Variants in EXOC6B observed in about 807,000 individuals in gnomAD.
The protein encoded by EXOC6B is exocyst complex component 6B.
Under a neutral mutation model 113.5 loss-of-function variants are expected in EXOC6B, and 54 were observed. The observed-to-expected ratio is 0.48, with a 90% CI of 0.38 to 0.60. The LOEUF is 0.60. Ranked by LOEUF, EXOC6B falls within the 20% of genes least tolerant of loss-of-function variation. The pLI is 0.00. For missense variants in EXOC6B, 797 were observed against 977.5 expected (o/e 0.82, Z 2.46); for synonymous variants, 357 against 339.0 (o/e 1.05, Z -0.58).
chr2:72,609,887 TTA>T (rs1670970713), intron 6 of EXOC6B, among the ~76,000 whole-genome samples: 1 of 152,060 alleles, frequency 6.6e-6, no homozygotes, highest in Non-Finnish European at 1.5e-5. Flanking sequence ...ATTAGACACA[TTA>T]TATTTAGGGA....
At chr2:72,349,728 A>G (rs1287522608) in intron 19 of EXOC6B, among the ~76,000 whole-genome samples, 1 of 152,148 alleles carries the variant, frequency 6.6e-6, no homozygotes, top group Non-Finnish European at 1.5e-5. Flanking sequence ...ATCCTTTATA[A>G]TAAAACTATA....
intron 1 of EXOC6B, among the ~76,000 whole-genome samples, chr2:72,811,440 T>C (rs924147868): frequency 4.6e-5 from 7 of 152,222 alleles, no homozygotes; most frequent in African/African-American, 1.4e-4. Flanking sequence ...ATTTGCAATT[T>C]AAAATCTTCA....
Position 72,456,546 on chromosome 2 carries a change from G to A in EXOC6B, c.1980+8614C>T, listed in dbSNP as rs1473951167. 2.6e-5 allele frequency among the ~76,000 whole-genome samples: 4 copies of A among 152,110 alleles called. No individual in the cohort carries two copies. In the South Asian group the frequency reaches 6.2e-4, roughly 24 times the overall value. Reference sequence around the variant, plus strand: ...AGTTGGCAATCAATCTAATAGACACGATGGTATAATGGAAAAAATTTTAAG... The same window carrying A: ...AGTTGGCAATCAATCTAATAGACACAATGGTATAATGGAAAAAATTTTAAG... On this transcript the variant is annotated intron_variant, in intron 18 of 21. Coordinates refer to ENST00000272427, the MANE Select transcript of EXOC6B (RefSeq NM_015189.3).
chr2:72,297,689 G>T (rs1316619645), intron 20 of EXOC6B, among the ~76,000 whole-genome samples: 1 of 152,150 alleles, frequency 6.6e-6, no homozygotes, highest in Non-Finnish European at 1.5e-5. Context: ...GTGTCCCAGA[G>T]ATAATGGTAC....
At chr2:72,469,454 G>C (rs1698263713) in intron 17 of EXOC6B, among the ~76,000 whole-genome samples, 2 of 151,928 alleles carry the variant, frequency 1.3e-5, no homozygotes, top group African/African-American at 2.4e-5. Context: ...TTCCCTCTGA[G>C]TAATGCTTTC....
At chr2:72,509,883 G>C (rs1700802035) in intron 11 of EXOC6B, among the ~76,000 whole-genome samples, 1 of 151,764 alleles carries the variant, frequency 6.6e-6, no homozygotes, top group Non-Finnish European at 1.5e-5. Flanking sequence ...ACCCAGGCTG[G>C]AGTGCAGTGG....
At chr2:72,314,891 G>A (rs1687420963) in intron 20 of EXOC6B, among the ~76,000 whole-genome samples, 1 of 152,008 alleles carries the variant, frequency 6.6e-6, no homozygotes, top group Non-Finnish European at 1.5e-5. Flanking sequence ...ATTGTTCCAG[G>A]CACTAAGAAT....
chr2:72,298,245 C>A (rs1428220517), intron 20 of EXOC6B, among the ~76,000 whole-genome samples: 1 of 151,984 alleles, frequency 6.6e-6, no homozygotes, highest in African/African-American at 2.4e-5. Flanking sequence ...TATGTAGTGC[C>A]CTTGTCTCTT....
chr2:72,661,183 A>G (rs1332848031), intron 6 of EXOC6B, among the ~76,000 whole-genome samples: 1 of 152,142 alleles, frequency 6.6e-6, no homozygotes, highest in Non-Finnish European at 1.5e-5. Context: ...CTTGGGATGA[A>G]GGGGCAATTG....
At chr2:72,325,689 C>G (rs1049516809) in intron 20 of EXOC6B, among the ~76,000 whole-genome samples, 1 of 151,926 alleles carries the variant, frequency 6.6e-6, no homozygotes, top group African/African-American at 2.4e-5. Context: ...CAGAAGCAAC[C>G]TGATTCCTGT....
intron 6 of EXOC6B, among the ~76,000 whole-genome samples, chr2:72,629,866 A>G (rs1354275898): frequency 1.3e-5 from 2 of 152,190 alleles, no homozygotes; most frequent in Non-Finnish European, 2.9e-5. Flanking sequence ...CCATCCCCAG[A>G]GCCCTGACCT....
intron 1 of EXOC6B, among the ~76,000 whole-genome samples, chr2:72,786,666 C>G (rs1274122287): frequency 6.6e-6 from 1 of 152,298 alleles, no homozygotes; most frequent in Middle Eastern, 3.4e-3. Context: ...AAGATCTGAT[C>G]TGGATTTTTT....
At chr2:72,823,540 T>C (rs1181178501) in intron 1 of EXOC6B, among the ~76,000 whole-genome samples, 1 of 150,108 alleles carries the variant, frequency 6.7e-6, no homozygotes, top group East Asian at 2.0e-4. Flanking sequence ...TCCCAGCACT[T>C]TGGGAGGCTA....
At chr2:72,527,784 G>T (rs1701809319) in intron 8 of EXOC6B, among the ~76,000 whole-genome samples, 1 of 151,884 alleles carries the variant, frequency 6.6e-6, no homozygotes, top group Non-Finnish European at 1.5e-5. Flanking sequence ...AGGATGTTGA[G>T]TATCTTCTCA....
intron 1 of EXOC6B, among the ~76,000 whole-genome samples, chr2:72,782,880 G>C (rs1463424707): frequency 6.6e-6 from 1 of 152,160 alleles, no homozygotes. Context: ...CAGCCGAACA[G>C]TATTCCATTG....
chr2:72,539,497 C>A (rs989124697), intron 8 of EXOC6B, among the ~76,000 whole-genome samples: 1 of 152,194 alleles, frequency 6.6e-6, no homozygotes, highest in Non-Finnish European at 1.5e-5. Flanking sequence ...TGGCTCCCAA[C>A]ATCACTTTTA....
chr2:72,229,776 TA>T (rs752034013), intron 20 of EXOC6B, among the ~76,000 whole-genome samples: 8 of 152,232 alleles, frequency 5.3e-5, no homozygotes, highest in Non-Finnish European at 1.2e-4. Flanking sequence ...TAACTCAAAA[TA>T]TTTTTTAGAA....
intron 11 of EXOC6B, among the ~76,000 whole-genome samples, chr2:72,510,293 T>G (rs1700824852): frequency 6.6e-6 from 1 of 152,040 alleles, no homozygotes; most frequent in African/African-American, 2.4e-5. Flanking sequence ...AGTTCAATAG[T>G]TTGGGAGAGC....
At chr2:72,438,209 G>A in intron 18 of EXOC6B, among the ~76,000 whole-genome samples, 1 of 151,974 alleles carries the variant, frequency 6.6e-6, no homozygotes, top group East Asian at 1.9e-4. Flanking sequence ...ATTTACCTAG[G>A]ATGGTAGGCT....
Sources: gnomAD v4.1 joint callset for allele counts (sites outside exome capture counted in the v4.1 genomes callset) on GRCh38, gnomAD v4.1.1 for gene constraint, MANE v1.5 for transcripts, NCBI Gene and HGNC (gene_info 2026-07-23, HGNC 2026-07-21) for gene names.